The following PARD3B variants were observed in gnomAD, a reference collection of about 807,000 sequenced individuals.
PARD3B encodes partitioning defective 3 homolog B.
In PARD3B, 103 loss-of-function variants were observed where a neutral mutation model predicts 130.2. The observed-to-expected ratio is 0.79, with a 90% CI of 0.67 to 0.93. The LOEUF is 0.93. Ranked by LOEUF, PARD3B falls within the 40% of genes least tolerant of loss-of-function variation. The probability of loss-of-function intolerance (pLI) is 0.00; values close to 1 mark genes in which losing one functional copy is unlikely to be tolerated. For synonymous variants in PARD3B, 583 were observed against 553.2 expected, an observed-to-expected ratio of 1.05 and a Z score of -0.76; for missense variants, 1,609 against 1,499.2, an observed-to-expected ratio of 1.07 and a Z score of -1.21.
At chr2:205,192,766 T>C (rs2036463733) in intron 14 of PARD3B, among the ~76,000 whole-genome samples, 1 of 152,214 alleles carries the variant, frequency 6.6e-6, no homozygotes, top group African/African-American at 2.4e-5. Context: ...TTCAACAGGA[T>C]GGTTTTCTCT....
chr2:204,723,683 G>A (rs1468633295), intron 2 of PARD3B, among the ~76,000 whole-genome samples: 1 of 152,092 alleles, frequency 6.6e-6, no homozygotes, highest in African/African-American at 2.4e-5. Flanking sequence ...GATGAAAAGT[G>A]TAGTGTGATA....
chr2:205,438,380 T>G (rs549519676), intron 19 of PARD3B, among the ~76,000 whole-genome samples: 1 of 152,204 alleles, frequency 6.6e-6, no homozygotes. Flanking sequence ...CTTCCATTAA[T>G]GCACACAAGT....
chr2:204,774,556 A>G (rs1249169436), intron 2 of PARD3B, among the ~76,000 whole-genome samples: 3 of 152,046 alleles, frequency 2.0e-5, no homozygotes, highest in Non-Finnish European at 2.9e-5. Flanking sequence ...TAAAATCTGT[A>G]TTTATGGATA....
intron 1 of PARD3B, among the ~76,000 whole-genome samples, chr2:204,636,569 A>C (rs1430652066): frequency 6.6e-6 from 1 of 151,490 alleles, no homozygotes; most frequent in Non-Finnish European, 1.5e-5. Flanking sequence ...AAATCTCACA[A>C]AGCAGCAGCC....
chr2:205,374,419 T>C (rs1390237387), intron 18 of PARD3B, among the ~76,000 whole-genome samples: 2 of 152,148 alleles, frequency 1.3e-5, no homozygotes, highest in East Asian at 3.9e-4. Flanking sequence ...GTATTTTTAG[T>C]AGAAACGGTT....
At chr2:205,037,677 C>CTATA (rs67377114) in intron 3 of PARD3B, among the ~76,000 whole-genome samples, 3 of 148,556 alleles carry the variant, frequency 2.0e-5, no homozygotes, top group South Asian at 2.1e-4. Flanking sequence ...ATATAGTGGA[C>CTATA]TATATATATA....
intron 2 of PARD3B, among the ~76,000 whole-genome samples, chr2:204,692,580 G>A (rs915693847): frequency 4.0e-5 from 6 of 151,602 alleles, no homozygotes; most frequent in African/African-American, 1.5e-4. Flanking sequence ...GCAAGCTAAA[G>A]TACCTATTTT....
intron 2 of PARD3B, among the ~76,000 whole-genome samples, chr2:204,838,568 A>T (rs920538725): frequency 1.3e-5 from 2 of 152,156 alleles, no homozygotes; most frequent in Non-Finnish European, 2.9e-5. Context: ...AGAGGATGGA[A>T]GGGTATGCTG....
intron 10 of PARD3B, among the ~76,000 whole-genome samples, chr2:205,140,911 G>A (rs948799387): frequency 3.9e-5 from 6 of 151,966 alleles, no homozygotes; most frequent in Non-Finnish European, 7.4e-5. Flanking sequence ...TAAATATTAG[G>A]CCACTAGTTT....
intron 18 of PARD3B, among the ~76,000 whole-genome samples, chr2:205,364,121 A>G (rs2044508815): frequency 6.6e-6 from 1 of 152,194 alleles, no homozygotes; most frequent in Non-Finnish European, 1.5e-5. Flanking sequence ...TAAGTAATCA[A>G]CCATGCCAGA....
chr2:205,492,654 A>G (rs1447780796), intron 20 of PARD3B, among the ~76,000 whole-genome samples: 1 of 152,158 alleles, frequency 6.6e-6, no homozygotes, highest in East Asian at 1.9e-4. Context: ...GCACCTTTGA[A>G]AAAAATAGAG....
At chr2:204,589,722 G>A (rs1559172448) in intron 1 of PARD3B, among the ~76,000 whole-genome samples, 3 of 152,158 alleles carry the variant, frequency 2.0e-5, no homozygotes, top group Non-Finnish European at 2.9e-5. Context: ...TTGAATCTAA[G>A]ATAACCATGA....
intron 3 of PARD3B, among the ~76,000 whole-genome samples, chr2:205,023,226 G>T (rs954746111): frequency 1.2e-4 from 19 of 152,158 alleles, no homozygotes; most frequent in African/African-American, 4.3e-4. Context: ...ATCCCACTGG[G>T]CAGGATTGCA....
rs139993417 is a variant in PARD3B at position 205,252,849 on chromosome 2, C to T, written c.2185+7027C>T. ...AGGAACCTGAAGGGACCCCCCCCCCCCACCAAAAAAAAAAAAAAAGGAGAG... is the reference window on the plus strand; with the variant it reads ...AGGAACCTGAAGGGACCCCCCCCCCTCACCAAAAAAAAAAAAAAAGGAGAG... On this transcript the variant is annotated intron_variant, in intron 16 of 22. Coordinates refer to ENST00000406610, the MANE Select transcript of PARD3B (RefSeq NM_001302769.2). Among the ~76,000 whole-genome samples, 557 of 110,356 alleles carry T rather than the reference C, an allele frequency of 5.0e-3. 14 individuals carry two copies. Among genetic ancestry groups the T allele is most frequent in the African/African-American group, 0.017 (526 of 31,460 alleles). 72.4% of individuals were successfully genotyped at this position (110,356 alleles called of 152,430 possible). A position where few individuals can be genotyped will look rare whatever the true frequency, so the allele number is the denominator to read the frequency against.
At chr2:204,628,873 T>A (rs983208717) in intron 1 of PARD3B, among the ~76,000 whole-genome samples, 3 of 152,200 alleles carry the variant, frequency 2.0e-5, no homozygotes. Flanking sequence ...TTTTGTGATT[T>A]AAAAATCATG....
chr2:204,674,866 C>T (rs2036464273), intron 1 of PARD3B, among the ~76,000 whole-genome samples: 1 of 152,090 alleles, frequency 6.6e-6, no homozygotes, highest in African/African-American at 2.4e-5. Context: ...CGTTATAGCA[C>T]CAAGAAAGTT....
chr2:205,180,082 A>T (rs926594327), intron 13 of PARD3B, among the ~76,000 whole-genome samples: 2 of 151,948 alleles, frequency 1.3e-5, no homozygotes, highest in African/African-American at 4.8e-5. Context: ...TATATAAATT[A>T]ACTATCTACA....
chr2:204,997,056 T>A (rs901511194), intron 3 of PARD3B, among the ~76,000 whole-genome samples: 4 of 152,176 alleles, frequency 2.6e-5, no homozygotes, highest in African/African-American at 9.6e-5. Flanking sequence ...TCGCTCACGC[T>A]GGGAGCTGTA....
intron 20 of PARD3B, among the ~76,000 whole-genome samples, chr2:205,499,307 C>A (rs1287437351): frequency 1.6e-5 from 2 of 125,314 alleles, no homozygotes; most frequent in African/African-American, 5.8e-5. Context: ...ACACCAGCTT[C>A]CCCCACCTTA....
Sources: allele counts gnomAD v4.1 joint callset (sites outside exome capture counted in the v4.1 genomes callset), GRCh38; gene constraint gnomAD v4.1.1; transcripts MANE v1.5; gene names NCBI Gene and HGNC (gene_info 2026-07-23, HGNC 2026-07-21).